Variants in PCDHA8 observed in about 807,000 individuals in gnomAD.
PCDHA8 encodes protocadherin alpha-8.
Under a neutral mutation model 61.8 loss-of-function variants are expected in PCDHA8, and 53 were observed. That is an observed-to-expected ratio of 0.86 (90% CI 0.69 to 1.08). The LOEUF (loss-of-function observed/expected upper bound fraction) is 1.08, where lower values mean the gene tolerates loss of function less well. PCDHA8 is among the 50% of genes least tolerant of loss of function. The pLI is 0.00. For missense variants in PCDHA8, 1,293 were observed against 1,245.0 expected, an observed-to-expected ratio of 1.04 and a Z score of -0.58; for synonymous variants, 618 against 556.6, an observed-to-expected ratio of 1.11 and a Z score of -1.55.
At chr5:140,965,237 G>A (rs2095882583) in intron 1 of PCDHA8, among the ~76,000 whole-genome samples, 1 of 152,204 alleles carries the variant, frequency 6.6e-6, no homozygotes, top group African/African-American at 2.4e-5. Context: ...AACCTGGGAA[G>A]AGTGAATATT....
intron 2 of PCDHA8, among the ~76,000 whole-genome samples, chr5:140,980,920 A>T (rs1040099192): frequency 1.3e-5 from 2 of 152,166 alleles, no homozygotes; most frequent in African/African-American, 4.8e-5. Context: ...TCTTTAAAAA[A>T]TTCTGCTTTG....
intron 1 of PCDHA8, among the ~76,000 whole-genome samples, chr5:140,969,735 T>A (rs1029423690): frequency 2.6e-5 from 4 of 152,188 alleles, no homozygotes; most frequent in Non-Finnish European, 5.9e-5. Flanking sequence ...TGAAATCCTA[T>A]ATGAGTGATG....
chr5:140,868,681 TATA>T (rs1235223560), intron 1 of PCDHA8: 45 of 172,206 alleles, frequency 2.6e-4, no homozygotes, highest in African/African-American at 1.0e-3. Context: ...AGAACAATGT[TATA>T]ATGTTAAGTC....
chr5:140,842,246 G>C lies in PCDHA8; in HGVS notation c.925G>C (p.Asp309His), dbSNP rs1289361551. The C allele has an allele frequency of 8.1e-6, 13 of 1,611,852 alleles. No homozygotes were observed. The highest frequency in any genetic ancestry group is 1.1e-5 in the Non-Finnish European group (13 of 1,178,252). Residue 309 changes from aspartate (D) to histidine (H), a missense_variant, in exon 1 of 4, where the codon GAT becomes CAT. Physicochemically the swap from Asp to His is moderately conservative, Grantham distance 81 (BLOSUM62 -1). Transcript: ENST00000531613. The stretch of plus-strand genomic sequence containing the variant: ...AGAAATAGTGATTCGGGGTAATTTG[G>C]ATTTTGAACAAGAAAACTTATACAA... ...TGEIVIRGNLDFEQENLYKIL... is the reference protein window; with the variant it reads ...TGEIVIRGNLHFEQENLYKIL...
chr5:140,850,943 T>G lies in PCDHA8; in HGVS notation c.2394+7228T>G, dbSNP rs2150503194. On this transcript the variant is annotated intron_variant, in intron 1 of 3. Coordinates refer to ENST00000531613, the MANE Select transcript of PCDHA8 (RefSeq NM_018911.3). The stretch of plus-strand genomic sequence containing the variant: ...ATATAATTTTTTTTCTTGAAAGATA[T>G]TATCGATTACTCCCAGGGGCCGTTC... 7.3e-6 allele frequency: 11 copies of G among 1,506,780 alleles called. 2 individuals are homozygous for G. Among genetic ancestry groups the G allele is most frequent in the Non-Finnish European group, 8.9e-6 (10 of 1,121,750 alleles). The allele number at this position is 1,506,780 out of a possible 1,614,324, so 93.3% of individuals were successfully genotyped here.
rs370676797 is a variant in PCDHA8, at chr5:141,009,968, A to G, written c.*31A>G. On this transcript the variant is annotated 3_prime_UTR_variant, in exon 4 of 4. Transcript: ENST00000531613. ...TCAAATGGAAACAAGCCACTTAGCC[A>G]GTTTTTGTAATAATGGCAAATCTCT... 1.4e-5 allele frequency: 22 copies of G among 1,586,626 alleles called. No homozygotes were observed. The highest frequency in any genetic ancestry group is 1.6e-5 in the Non-Finnish European group (19 of 1,169,786).
intron 3 of PCDHA8, among the ~76,000 whole-genome samples, chr5:141,008,123 G>A (rs1437358425): frequency 6.6e-6 from 1 of 152,144 alleles, no homozygotes; most frequent in East Asian, 1.9e-4. Context: ...GTTTCAAGAA[G>A]GGGATGACAA....
chr5:140,869,469 G>T, intron 1 of PCDHA8: 1 of 1,614,210 alleles, frequency 6.2e-7, no homozygotes, highest in Non-Finnish European at 8.5e-7. Context: ...TGAACGTGGA[G>T]GTGAAGGACA....
At chr5:141,002,726 A>C (rs1488452359) in intron 3 of PCDHA8, among the ~76,000 whole-genome samples, 1 of 152,250 alleles carries the variant, frequency 6.6e-6, no homozygotes, top group Non-Finnish European at 1.5e-5. Context: ...GGAAGGGCAC[A>C]GTAAATGTTA....
At chr5:140,958,544 A>G (rs1218939069) in intron 1 of PCDHA8, among the ~76,000 whole-genome samples, 1 of 152,182 alleles carries the variant, frequency 6.6e-6, no homozygotes, top group Non-Finnish European at 1.5e-5. Flanking sequence ...TGATTTATGA[A>G]CCAATAAATG....
At chr5:140,883,397 C>T in intron 1 of PCDHA8, 2 of 1,614,170 alleles carry the variant, frequency 1.2e-6, no homozygotes, top group Non-Finnish European at 1.7e-6. Flanking sequence ...TGTGTCCGAT[C>T]GTGACTCTGG....
chr5:140,859,289 ATACTT>A (rs1272125290), intron 1 of PCDHA8: 2 of 129,084 alleles, frequency 1.5e-5, no homozygotes, highest in African/African-American at 5.5e-5. Context: ...GAGACTGAAA[ATACTT>A]TAGTATGAAT....
intron 1 of PCDHA8, among the ~76,000 whole-genome samples, chr5:140,846,830 A>G (rs965797545): frequency 6.7e-6 from 1 of 149,758 alleles, no homozygotes; most frequent in Admixed American, 6.7e-5. Context: ...AATAAAGAAT[A>G]TGAGTCACAC....
intron 3 of PCDHA8, among the ~76,000 whole-genome samples, chr5:140,992,707 C>T (rs1554253127): frequency 1.3e-5 from 2 of 152,056 alleles, no homozygotes; most frequent in Admixed American, 1.3e-4. Flanking sequence ...AATGTTCCTG[C>T]CAGTATTCGT....
At chr5:140,866,557 A>G (rs1554160392) in intron 1 of PCDHA8, 1 of 152,136 alleles carries the variant, frequency 6.6e-6, no homozygotes, top group Non-Finnish European at 1.5e-5. Context: ...TAAATCCTAT[A>G]ATTTTGTTAA....
chr5:140,859,706 C>T (rs1311210067), intron 1 of PCDHA8: 1 of 153,842 alleles, frequency 6.5e-6, no homozygotes, highest in Non-Finnish European at 1.4e-5. Context: ...AGTTTAGGAA[C>T]ACCAAAAAAA....
chr5:141,007,437 A>G (rs913587541), intron 3 of PCDHA8, among the ~76,000 whole-genome samples: 2 of 150,734 alleles, frequency 1.3e-5, no homozygotes, highest in Non-Finnish European at 2.9e-5. Context: ...GCATGGTGGC[A>G]TGTGCCTGTA....
chr5:140,906,877 A>G (rs1361751716), intron 1 of PCDHA8, among the ~76,000 whole-genome samples: 1 of 152,122 alleles, frequency 6.6e-6, no homozygotes, highest in Non-Finnish European at 1.5e-5. Context: ...CAACACTGTA[A>G]CTTCCTTCTT....
chr5:141,011,237 A>G lies in PCDHA8; in HGVS notation c.*1300A>G, dbSNP rs562746586. Reference sequence around the variant, plus strand: ...GATTTTTCAATCTACTAATTCTGTGACTTGTCTTGGTGTGCTAGCCTACAC... The same window carrying G: ...GATTTTTCAATCTACTAATTCTGTGGCTTGTCTTGGTGTGCTAGCCTACAC... On this transcript the variant is annotated 3_prime_UTR_variant, in exon 4 of 4. Transcript: ENST00000531613. The G allele has an allele frequency of 6.5e-6, 1 of 153,754 alleles. No homozygotes were observed. Among genetic ancestry groups the G allele is most frequent in the South Asian group, 2.1e-4 (1 of 4,812 alleles). The allele number at this position is 153,754 out of a possible 1,614,324, so 9.5% of individuals were successfully genotyped here.
Sources: allele counts gnomAD v4.1 joint callset (sites outside exome capture counted in the v4.1 genomes callset), GRCh38; gene constraint gnomAD v4.1.1; transcripts MANE v1.5; gene names NCBI Gene and HGNC (gene_info 2026-07-23, HGNC 2026-07-21).